Variants in TOGARAM1 observed in about 807,000 individuals in gnomAD.
TOGARAM1 encodes TOG array regulator of axonemal microtubules 1.
A neutral mutation model predicts 166.6 loss-of-function variants in TOGARAM1; 100 were observed. That is an observed-to-expected ratio of 0.60 (90% confidence interval 0.51 to 0.71). TOGARAM1 has a LOEUF of 0.71. Among genes scored for constraint, TOGARAM1 ranks in the 30% least tolerant of loss-of-function variants. The pLI, the probability that TOGARAM1 is intolerant of heterozygous loss-of-function variation, is 0.00. For missense variants in TOGARAM1, 2,029 were observed against 2,102.7 expected, an observed-to-expected ratio of 0.96 and a Z score of 0.69; for synonymous variants, 758 against 763.8, an observed-to-expected ratio of 0.99 and a Z score of 0.13.
At chr14:45,060,204 C>T (rs896982255) in intron 16 of TOGARAM1, among the ~76,000 whole-genome samples, 74 of 146,658 alleles carry the variant, frequency 5.0e-4, no homozygotes, top group African/African-American at 1.8e-3. Flanking sequence ...AGGCATGAGA[C>T]ACTGCACCCG....
In TOGARAM1 at chr14:45,046,533, G is replaced by T; in HGVS notation, c.4155-12G>T. 1 of 1,275,018 alleles carries T rather than the reference G, an allele frequency of 7.8e-7. No homozygotes were observed. Among genetic ancestry groups the T allele is most frequent in the Non-Finnish European group, 1.0e-6 (1 of 1,000,956 alleles). The allele number at this position is 1,275,018 out of a possible 1,614,324, so 79.0% of individuals were successfully genotyped here. A position where few individuals can be genotyped will look rare whatever the true frequency, so the allele number is the denominator to read the frequency against. On this transcript the variant is annotated splice_polypyrimidine_tract_variant and intron_variant, in intron 13 of 19. Coordinates refer to ENST00000361462, the MANE Select transcript of TOGARAM1 (RefSeq NM_001308120.2). The stretch of plus-strand genomic sequence containing the variant: ...TAACAACTCTGTTTTAATTGATCAT[G>T]TCTCCTTGTAGCCATTTACACATTG...
chr14:45,015,874 T>C (rs888363048), intron 7 of TOGARAM1, among the ~76,000 whole-genome samples: 22 of 152,140 alleles, frequency 1.4e-4, no homozygotes, highest in Admixed American at 1.3e-3. Context: ...TTAAATTTCA[T>C]GGTGAGTTAA....
chr14:44,968,907 A>G (rs1885713280), intron 1 of TOGARAM1, among the ~76,000 whole-genome samples: 2 of 152,062 alleles, frequency 1.3e-5, no homozygotes, highest in Non-Finnish European at 2.9e-5. Flanking sequence ...CTACATGTAC[A>G]TTCTTCCCTC....
At chr14:44,984,215 CAT>C (rs1268153610) in intron 1 of TOGARAM1, among the ~76,000 whole-genome samples, 5 of 151,764 alleles carry the variant, frequency 3.3e-5, no homozygotes, top group African/African-American at 7.3e-5. Flanking sequence ...TGAGAATATC[CAT>C]ATCTTTTAGA....
At chr14:45,028,094 A>G in intron 9 of TOGARAM1, 82 bp from the exon 10 acceptor site, 1 of 1,234,488 alleles carries the variant, frequency 8.1e-7, no homozygotes, top group South Asian at 1.5e-5. Flanking sequence ...ATATCCTCAG[A>G]CACAAATTAG....
chr14:44,964,561 CAT>C, intron 1 of TOGARAM1, 94 bp downstream of exon 1: 1 of 1,341,968 alleles, frequency 7.5e-7, no homozygotes, highest in Non-Finnish European at 1.0e-6. Flanking sequence ...TTGAGGGAAA[CAT>C]GTTATGCTTT....
chr14:45,012,443 A>C (rs922168092), intron 7 of TOGARAM1, among the ~76,000 whole-genome samples: 1 of 152,180 alleles, frequency 6.6e-6, no homozygotes, highest in Non-Finnish European at 1.5e-5. Flanking sequence ...GACATCCCGA[A>C]AGACAATTTT....
rs148283501 is a variant in TOGARAM1, at chr14:44,974,688, G to A, written c.2046+10221G>A. Among the ~76,000 whole-genome samples the A allele has an allele frequency of 8.9e-3, 1,357 of 152,082 alleles. 8 individuals carry two copies. Among genetic ancestry groups the A allele is most frequent in the Non-Finnish European group, 0.014 (947 of 67,980 alleles). ...TGCTTTAATTACACTTTTGATGAGC[G>A]TAATTTTATGGTTGGCATAAAATAT... On this transcript the variant is annotated intron_variant, in intron 1 of 19. Coordinates refer to ENST00000361462, the MANE Select transcript of TOGARAM1 (RefSeq NM_001308120.2).
At chr14:45,004,862 T>C (rs1887872712) in intron 4 of TOGARAM1, among the ~76,000 whole-genome samples, 1 of 152,258 alleles carries the variant, frequency 6.6e-6, no homozygotes, top group Non-Finnish European at 1.5e-5. Flanking sequence ...TTATTGCAAT[T>C]AATGCCTAAT....
intron 1 of TOGARAM1, among the ~76,000 whole-genome samples, chr14:44,977,680 C>G (rs1886284429): frequency 1.3e-5 from 2 of 152,068 alleles, no homozygotes; most frequent in African/African-American, 4.8e-5. Flanking sequence ...ACTCTGTCAC[C>G]CAGGCTGGAG....
chr14:45,010,134 C>T (rs969802920), intron 6 of TOGARAM1, among the ~76,000 whole-genome samples: 4 of 151,982 alleles, frequency 2.6e-5, no homozygotes, highest in African/African-American at 9.7e-5. Context: ...AAGAAATATA[C>T]GTAAATAGAG....
chr14:45,067,032 A>G (rs192077338), intron 17 of TOGARAM1, among the ~76,000 whole-genome samples: 384 of 152,348 alleles, frequency 2.5e-3, no homozygotes, highest in Non-Finnish European at 4.2e-3. Flanking sequence ...CTATATCTAT[A>G]TACAAATTAC....
chr14:44,980,725 G>A lies in TOGARAM1; in HGVS notation c.2047-15021G>A, dbSNP rs180895534. ...GTGGGAAATATGATTACAAGAGTGA[G>A]GCAGGGGCTAGATTGGAGACTCTTG... On this transcript the variant is annotated intron_variant, in intron 1 of 19. Coordinates refer to ENST00000361462, the MANE Select transcript of TOGARAM1 (RefSeq NM_001308120.2). 2.7e-4 allele frequency among the ~76,000 whole-genome samples: 41 copies of A among 152,278 alleles called. No homozygotes were observed. The East Asian group carries it at 7.9e-3, about 29-fold the overall frequency.
chr14:44,996,917 C>T (rs972353092), intron 2 of TOGARAM1: 1 of 152,250 alleles, frequency 6.6e-6, no homozygotes, highest in African/African-American at 2.4e-5. Context: ...CCACATGATC[C>T]AGTCACCTCC....
chr14:44,980,763 A>G (rs1030085809), intron 1 of TOGARAM1, among the ~76,000 whole-genome samples: 2 of 152,342 alleles, frequency 1.3e-5, no homozygotes, highest in South Asian at 2.1e-4. Context: ...TACCATGCTA[A>G]GGAATTTAAC....
At chr14:44,986,231 C>G (rs904864961) in intron 1 of TOGARAM1, among the ~76,000 whole-genome samples, 1 of 152,086 alleles carries the variant, frequency 6.6e-6, no homozygotes, top group Non-Finnish European at 1.5e-5. Context: ...AGACAAATAA[C>G]TGTTTTTAAG....
chr14:44,997,732 G>A (rs1401139934), intron 2 of TOGARAM1, among the ~76,000 whole-genome samples: 5 of 151,110 alleles, frequency 3.3e-5, no homozygotes, highest in African/African-American at 1.2e-4. Context: ...GGTTGAGGCC[G>A]GGCGCTGTGT....
At chr14:45,051,157 A>G (rs1882345490) in intron 14 of TOGARAM1, among the ~76,000 whole-genome samples, 1 of 152,246 alleles carries the variant, frequency 6.6e-6, no homozygotes, top group African/African-American at 2.4e-5. Context: ...TATAAATAAG[A>G]AAACCTAGTT....
Position 45,025,883 on chromosome 14 carries a change from GT to G in TOGARAM1, c.3328+13del. Reference sequence around the variant, plus strand: ...TAGTTGTTGGAAAAGGTATTTCAAAGTTATTTCGCTTCTTAATTATATGTAT... The same window carrying G: ...TAGTTGTTGGAAAAGGTATTTCAAAGTATTTCGCTTCTTAATTATATGTAT... On this transcript the variant is annotated intron_variant, in intron 8 of 19. Transcript: ENST00000361462. 7.0e-7 allele frequency: 1 copy of G among 1,419,166 alleles called. No individual in the cohort carries two copies. The highest frequency in any genetic ancestry group is 9.9e-7 in the Non-Finnish European group (1 of 1,009,290). 87.9% of individuals were successfully genotyped at this position (1,419,166 alleles called of 1,614,324 possible).
Sources: allele counts gnomAD v4.1 joint callset (sites outside exome capture counted in the v4.1 genomes callset), GRCh38; gene constraint gnomAD v4.1.1; transcripts MANE v1.5; gene names NCBI Gene and HGNC (gene_info 2026-07-23, HGNC 2026-07-21).